TMEM161B: variants seen among roughly 807,000 people sequenced by gnomAD.
TMEM161B encodes the protein transmembrane protein 161B.
In TMEM161B, 34 loss-of-function variants were observed where a neutral mutation model predicts 61.8. The observed-to-expected ratio is 0.55, with a 90% CI of 0.42 to 0.73. The LOEUF (loss-of-function observed/expected upper bound fraction) is 0.73, where lower values mean the gene tolerates loss of function less well. Ranked by LOEUF, TMEM161B falls within the 30% of genes least tolerant of loss-of-function variation. TMEM161B has a pLI of 0.00. For missense variants in TMEM161B, 456 were observed against 558.5 expected, an observed-to-expected ratio of 0.82 and a Z score of 1.85; for synonymous variants, 167 against 192.8, an observed-to-expected ratio of 0.87 and a Z score of 1.11.
At chr5:88,236,014 A>G (rs1751786161) in intron 2 of TMEM161B, among the ~76,000 whole-genome samples, 1 of 152,202 alleles carries the variant, frequency 6.6e-6, no homozygotes, top group Admixed American at 6.5e-5. Context: ...TTTTTCCCTT[A>G]GGTCATAGGT....
At chr5:88,232,971 G>A (rs1751257836) in intron 2 of TMEM161B, among the ~76,000 whole-genome samples, 1 of 152,092 alleles carries the variant, frequency 6.6e-6, no homozygotes, top group African/African-American at 2.4e-5. Flanking sequence ...CATTTCCTAT[G>A]GGATAACTCA....
chr5:88,256,146 A>T (rs1580719389), intron 1 of TMEM161B, among the ~76,000 whole-genome samples: 1 of 152,294 alleles, frequency 6.6e-6, no homozygotes, highest in East Asian at 1.9e-4. Context: ...CCATTTTAAC[A>T]TATTGGTGTT....
chr5:88,211,580 C>T (rs1352586220), intron 5 of TMEM161B, among the ~76,000 whole-genome samples: 2 of 151,632 alleles, frequency 1.3e-5, no homozygotes, highest in East Asian at 1.9e-4. Context: ...GCCAACATGG[C>T]GAAATCCCAT....
At chr5:88,223,082 A>G (rs1348465852) in intron 4 of TMEM161B, among the ~76,000 whole-genome samples, 1 of 151,582 alleles carries the variant, frequency 6.6e-6, no homozygotes, top group Non-Finnish European at 1.5e-5. Flanking sequence ...CTAAAAGTGA[A>G]ACCAAATACT....
downstream of TMEM161B, among the ~76,000 whole-genome samples, chr5:88,191,460 G>A (rs1279381001): frequency 6.6e-6 from 1 of 152,078 alleles, no homozygotes; most frequent in African/African-American, 2.4e-5. Flanking sequence ...ACAGCCTATG[G>A]CACATTACAG....
chr5:88,195,549 A>G lies in TMEM161B; in HGVS notation c.*662T>C, dbSNP rs192670757. On this transcript the variant is annotated 3_prime_UTR_variant, in exon 12 of 12. Transcript: ENST00000296595. ...AAGATTACAAATGTTCATATGGCCA[A>G]TCATTTTAAAAGAACTCTCAAGTTG... 8.2e-4 allele frequency: 809 copies of G among 985,482 alleles called. 1 individual carries two copies. The highest frequency in any genetic ancestry group is 1.8e-3 in the Admixed American group (30 of 16,220). The allele number at this position is 985,482 out of a possible 1,614,324, so 61.0% of individuals were successfully genotyped here.
intron 1 of TMEM161B, among the ~76,000 whole-genome samples, chr5:88,265,688 T>C (rs746784959): frequency 6.6e-6 from 1 of 152,120 alleles, no homozygotes; most frequent in African/African-American, 2.4e-5. Context: ...GAGCCTATTA[T>C]ATGTGTTTCT....
At chr5:88,211,618 C>T (rs914496045) in intron 5 of TMEM161B, among the ~76,000 whole-genome samples, 3 of 151,526 alleles carry the variant, frequency 2.0e-5, no homozygotes, top group Admixed American at 6.6e-5. Context: ...ATTAGCCGGG[C>T]GTGGCGGCGG....
chr5:88,239,047 G>A (rs1752315409), intron 2 of TMEM161B, among the ~76,000 whole-genome samples: 1 of 151,816 alleles, frequency 6.6e-6, no homozygotes, highest in Non-Finnish European at 1.5e-5. Context: ...CCAATTTCGT[G>A]TTTCTTTTTA....
intron 5 of TMEM161B, among the ~76,000 whole-genome samples, chr5:88,215,671 T>C (rs1259957098): frequency 6.6e-6 from 1 of 152,224 alleles, no homozygotes; most frequent in Non-Finnish European, 1.5e-5. Context: ...TGCAGAGATG[T>C]TACTGTTTGA....
At position 88,248,045 on chromosome 5, in the gene TMEM161B, T is replaced by C. The variant is rs115438479; in HGVS notation, c.4-7129A>G. ...TGTAAAAGGGCATTTTGGAAGGTAA[T>C]GCATGAGTCAAGACACAGTGGACTG... On this transcript the variant is annotated intron_variant, in intron 1 of 11. Coordinates refer to ENST00000296595, the MANE Select transcript of TMEM161B (RefSeq NM_153354.5). Among the ~76,000 whole-genome samples, 708 of 152,214 alleles carry C rather than the reference T, an allele frequency of 4.7e-3. 10 individuals are homozygous for C. The highest frequency in any genetic ancestry group is 0.016 in the African/African-American group (680 of 41,544).
At chr5:88,251,182 T>C (rs1187785376) in intron 1 of TMEM161B, 4 of 152,044 alleles carry the variant, frequency 2.6e-5, no homozygotes, top group Admixed American at 6.6e-5. Context: ...ATATACTGAG[T>C]CTGCCTCATA....
downstream of TMEM161B, chr5:88,194,916 A>G (rs1371167496): frequency 2.2e-4 from 33 of 153,426 alleles, no homozygotes; most frequent in Non-Finnish European, 2.9e-5. Context: ...TTTAGATGTA[A>G]AAGGCATCAA....
downstream of TMEM161B, among the ~76,000 whole-genome samples, chr5:88,192,069 C>CA (rs5869419): frequency 0.85 from 77,183 of 90,422 alleles, 33,365 homozygotes; most frequent in East Asian, 0.92. Flanking sequence ...TTTAAAGATG[C>CA]AAAAAAAAAA....
At position 88,206,516 on chromosome 5, in the gene TMEM161B, A is replaced by AG; in HGVS notation, c.599-18_599-17insC. On this transcript the variant is annotated splice_polypyrimidine_tract_variant and intron_variant, in intron 6 of 11. Coordinates refer to ENST00000296595, the MANE Select transcript of TMEM161B (RefSeq NM_153354.5). ...TTGTAAACCCTGTGGGGGAAAAAAA[A>AG]AAAAACAACAGATTACTCTTATCAC... The AG allele has an allele frequency of 6.4e-7, 1 of 1,556,340 alleles. No homozygotes were observed. The highest frequency in any genetic ancestry group is 8.7e-7 in the Non-Finnish European group (1 of 1,152,318).
intron 1 of TMEM161B, among the ~76,000 whole-genome samples, chr5:88,244,867 T>C (rs1753353571): frequency 6.6e-6 from 1 of 151,834 alleles, no homozygotes; most frequent in South Asian, 2.1e-4. Context: ...CCTCCTTAGT[T>C]AGCTGTAATC....
At chr5:88,198,580 T>C (rs1750114640) in intron 10 of TMEM161B, 1 of 154,674 alleles carries the variant, frequency 6.5e-6, no homozygotes, top group African/African-American at 2.4e-5. Context: ...AATACTTACA[T>C]TTCATGTTCA....
At chr5:88,254,842 TAA>T (rs1430591273) in intron 1 of TMEM161B, among the ~76,000 whole-genome samples, 2 of 142,524 alleles carry the variant, frequency 1.4e-5, no homozygotes, top group Admixed American at 1.4e-4. Context: ...TCTGTAACTG[TAA>T]AAAAAATTTT....
chr5:88,256,636 A>G (rs574843697), intron 1 of TMEM161B, among the ~76,000 whole-genome samples: 1 of 152,342 alleles, frequency 6.6e-6, no homozygotes, highest in East Asian at 1.9e-4. Flanking sequence ...ATCATGCTCA[A>G]TTGTGACCAC....
Sources: allele counts gnomAD v4.1 joint callset (sites outside exome capture counted in the v4.1 genomes callset), GRCh38; gene constraint gnomAD v4.1.1; transcripts MANE v1.5; gene names NCBI Gene and HGNC (gene_info 2026-07-23, HGNC 2026-07-21).